Variants in NXN observed in about 807,000 individuals in gnomAD.
NXN encodes the protein nucleoredoxin 1.
NXN carries 16 observed loss-of-function variants against 48.6 expected under a neutral mutation model. The observed-to-expected ratio is 0.33, with a 90% CI of 0.22 to 0.50. The LOEUF is 0.50. Among genes scored for constraint, NXN ranks in the 20% least tolerant of loss-of-function variants. The pLI is 0.98. For missense variants in NXN, 492 were observed against 605.5 expected (o/e 0.81, Z 1.97); for synonymous variants, 281 against 269.6 (o/e 1.04, Z -0.41).
chr17:810,063 C>CTGTGAGTGGCGTGCACGTTACGAGTCCA (rs1567810582), intron 5 of NXN, among the ~76,000 whole-genome samples: 23 of 37,732 alleles, frequency 6.1e-4, no homozygotes, highest in African/African-American at 3.0e-3. Context: ...TTACGAGTCC[C>CTGTGAGTGGCGTGCACGTTACGAGTCCA]TGTGAGTGGC....
At chr17:913,324 C>G (rs571746524) in intron 1 of NXN, among the ~76,000 whole-genome samples, 2 of 152,306 alleles carry the variant, frequency 1.3e-5, no homozygotes, top group East Asian at 3.9e-4. Context: ...ACCCCCACAG[C>G]CCAGGATGGC....
At chr17:804,524 G>T (rs1036359455) in intron 6 of NXN, among the ~76,000 whole-genome samples, 3 of 152,160 alleles carry the variant, frequency 2.0e-5, no homozygotes, top group African/African-American at 7.2e-5. Context: ...AAGGAACCAG[G>T]GTCATCCCAT....
Position 920,871 on chromosome 17 carries a change from C to T in NXN, c.360+58448G>A, listed in dbSNP as rs1473066417. 6.6e-6 allele frequency among the ~76,000 whole-genome samples: 1 copy of T among 151,942 alleles called. No individual in the cohort carries two copies. Among genetic ancestry groups the T allele is most frequent in the Non-Finnish European group, 1.5e-5 (1 of 67,996 alleles). On this transcript the variant is annotated intron_variant, in intron 1 of 7. Coordinates refer to ENST00000336868, the MANE Select transcript of NXN (RefSeq NM_022463.5). The surrounding 1 kb of genome is among the most constrained non-coding windows in gnomAD (Gnocchi z 4.6). ...CCGAGTAGTTGGGATTACAGGCGCC[C>T]GCCACCATGTCCGGCTAATTTTTGT... is the stretch of plus-strand genomic sequence containing the variant.
intron 1 of NXN, among the ~76,000 whole-genome samples, chr17:874,826 C>T (rs555244640): frequency 7.0e-4 from 107 of 152,346 alleles, no homozygotes; most frequent in African/African-American, 2.5e-3. Context: ...CAAAGGCAGC[C>T]AGTCACTACT....
intron 1 of NXN, among the ~76,000 whole-genome samples, chr17:972,967 A>C (rs978774967): frequency 2.7e-5 from 4 of 149,912 alleles, no homozygotes; most frequent in Non-Finnish European, 5.9e-5. Flanking sequence ...GGAGGCGGAG[A>C]TTGCGGTGAG....
intron 1 of NXN, among the ~76,000 whole-genome samples, chr17:974,376 T>G (rs1484301680): frequency 2.0e-5 from 3 of 151,908 alleles, no homozygotes; most frequent in Non-Finnish European, 2.9e-5. Context: ...TATATATATA[T>G]AGATATATGG....
At chr17:957,256 C>T (rs2069181198) in intron 1 of NXN, among the ~76,000 whole-genome samples, 1 of 151,814 alleles carries the variant, frequency 6.6e-6, no homozygotes, top group South Asian at 2.1e-4. Context: ...GTGTGGAAAA[C>T]ACCTAGAGGA....
intron 1 of NXN, among the ~76,000 whole-genome samples, chr17:943,135 A>T (rs2068999000): frequency 6.6e-6 from 1 of 152,232 alleles, no homozygotes; most frequent in South Asian, 2.1e-4. Flanking sequence ...GTTTTAAAAT[A>T]ACCGTCGGTT....
rs377511857 is a variant in NXN, at chr17:917,266, C to T, written c.360+62053G>A. On this transcript the variant is annotated intron_variant, in intron 1 of 7. Coordinates refer to ENST00000336868, the MANE Select transcript of NXN (RefSeq NM_022463.5). This position sits in a 1 kb window ranked among gnomAD's most constrained non-coding sequence, Gnocchi z 4.5. ...AAGCGATTCTCCTGCCTCAGCCTCC[C>T]GAGCAGCTGGGACTACAGGCGCCCG... Among the ~76,000 whole-genome samples the T allele has an allele frequency of 1.1e-4, 16 of 152,136 alleles. No individual in the cohort carries two copies. The highest frequency in any genetic ancestry group is 1.5e-4 in the Non-Finnish European group (10 of 68,012).
chr17:979,275 G>C, intron 1 of NXN, 44 bp downstream of exon 1: 1 of 1,387,942 alleles, frequency 7.2e-7, no homozygotes, highest in Non-Finnish European at 9.4e-7. Flanking sequence ...AGGGGTAACG[G>C]GCGTGGGGGG....
At chr17:858,545 G>A (rs1473916213) in intron 1 of NXN, among the ~76,000 whole-genome samples, 1 of 151,838 alleles carries the variant, frequency 6.6e-6, no homozygotes, top group African/African-American at 2.4e-5. Flanking sequence ...GGCTAACACG[G>A]TGAAACCCCA....
At chr17:907,071 GA>G (rs1303833080) in intron 1 of NXN, among the ~76,000 whole-genome samples, 1 of 146,170 alleles carries the variant, frequency 6.8e-6, no homozygotes, top group African/African-American at 2.5e-5. Context: ...TACCATGTCA[GA>G]AGCTGTAAAC....
At chr17:965,408 T>C (rs2069290257) in intron 1 of NXN, among the ~76,000 whole-genome samples, 1 of 152,206 alleles carries the variant, frequency 6.6e-6, no homozygotes, top group African/African-American at 2.4e-5. Flanking sequence ...GAAGCAAGCA[T>C]GCATTCACCA....
chr17:910,186 C>T (rs1430705309), intron 1 of NXN, among the ~76,000 whole-genome samples: 1 of 152,074 alleles, frequency 6.6e-6, no homozygotes, highest in Non-Finnish European at 1.5e-5. Flanking sequence ...CCGAGGCAGG[C>T]GGATCACCTG....
chr17:913,237 T>C (rs2068654213), intron 1 of NXN, among the ~76,000 whole-genome samples: 1 of 152,102 alleles, frequency 6.6e-6, no homozygotes, highest in Non-Finnish European at 1.5e-5. Context: ...CTTCCCGATT[T>C]TGTAAAATCT....
At position 925,452 on chromosome 17, in the gene NXN, G is replaced by A. The variant is rs750979979; in HGVS notation, c.360+53867C>T. On this transcript the variant is annotated intron_variant, in intron 1 of 7. Transcript: ENST00000336868. Reference sequence around the variant, plus strand: ...CACCCAGGCTGTAATGCAATGGCGCGATCTCAGCTCACTGCAACCTCCGCC... The same window carrying A: ...CACCCAGGCTGTAATGCAATGGCGCAATCTCAGCTCACTGCAACCTCCGCC... 3.9e-5 allele frequency among the ~76,000 whole-genome samples: 6 copies of A among 152,240 alleles called. 1 individual carries two copies. In the South Asian group the frequency reaches 1.0e-3, roughly 26 times the overall value.
intron 1 of NXN, among the ~76,000 whole-genome samples, chr17:905,748 G>A (rs955864242): frequency 3.9e-5 from 6 of 152,062 alleles, no homozygotes; most frequent in African/African-American, 7.2e-5. Context: ...AGGCTGAGGC[G>A]GGAGGACTGC....
chr17:972,813 C>T (rs974957950), intron 1 of NXN, among the ~76,000 whole-genome samples: 14 of 152,132 alleles, frequency 9.2e-5, no homozygotes, highest in South Asian at 2.1e-4. Flanking sequence ...GGGTGGATCA[C>T]GAGGTCAGGA....
At chr17:898,204 A>C (rs2068507630) in intron 1 of NXN, among the ~76,000 whole-genome samples, 2 of 152,166 alleles carry the variant, frequency 1.3e-5, no homozygotes, top group Non-Finnish European at 2.9e-5. Flanking sequence ...TGGTCTGTGC[A>C]TTCCAGGATG....
Sources: gnomAD v4.1 joint callset for allele counts (sites outside exome capture counted in the v4.1 genomes callset) on GRCh38, gnomAD v4.1.1 for gene constraint, Gnocchi (gnomAD v3.1) non-coding constraint, MANE v1.5 for transcripts, NCBI Gene and HGNC (gene_info 2026-07-23, HGNC 2026-07-21) for gene names.